The following PAMR1 variants were observed in gnomAD, a reference collection of about 807,000 sequenced individuals.
PAMR1 encodes inactive serine protease PAMR1.
PAMR1 carries 88 observed loss-of-function variants against 81.8 expected under a neutral mutation model. The ratio of observed to expected loss-of-function variants is 1.08; its 90% CI spans 0.91 to 1.28. The LOEUF (loss-of-function observed/expected upper bound fraction) is 1.28, where lower values mean the gene tolerates loss of function less well. Ranked by LOEUF, PAMR1 falls within the 50% of genes most tolerant of loss-of-function variation. The pLI, the probability that PAMR1 is intolerant of heterozygous loss-of-function variation, is 0.00. For synonymous variants in PAMR1, 336 were observed against 345.3 expected (o/e 0.97, Z 0.30); for missense variants, 935 against 919.7 (o/e 1.02, Z -0.21).
At chr11:35,449,783 A>G (rs1196935611) in intron 6 of PAMR1, among the ~76,000 whole-genome samples, 2 of 152,146 alleles carry the variant, frequency 1.3e-5, no homozygotes, top group Non-Finnish European at 2.9e-5. Flanking sequence ...ATCCATGGCA[A>G]AATTGTGGTT....
At chr11:35,499,179 C>T (rs35288309) in intron 1 of PAMR1, among the ~76,000 whole-genome samples, 5,819 of 152,274 alleles carry the variant, frequency 0.038, 154 homozygotes, top group Non-Finnish European at 0.056. Flanking sequence ...GGAGAGCCAG[C>T]TTTGCCTCTA....
At chr11:35,479,852 G>T (rs945606154) in intron 3 of PAMR1, among the ~76,000 whole-genome samples, 3 of 152,174 alleles carry the variant, frequency 2.0e-5, no homozygotes, top group Admixed American at 2.0e-4. Context: ...TCTGTCACAT[G>T]GCTGTGACAA....
chr11:35,451,892 C>A (rs1415642899), intron 6 of PAMR1: 1 of 705,790 alleles, frequency 1.4e-6, no homozygotes, highest in East Asian at 2.8e-5. Flanking sequence ...CCTCACCAGA[C>A]AATGAATCTT....
chr11:35,488,910 C>A (rs980884920), intron 3 of PAMR1, among the ~76,000 whole-genome samples: 18 of 151,988 alleles, frequency 1.2e-4, no homozygotes, highest in African/African-American at 3.6e-4. Flanking sequence ...GGTCACCAAT[C>A]GCATGCTAGC....
chr11:35,434,819 C>T lies in PAMR1; in HGVS notation c.1334-15G>A. The T allele has an allele frequency of 3.7e-6, 6 of 1,608,596 alleles. No homozygotes were observed. Among genetic ancestry groups the T allele is most frequent in the Non-Finnish European group, 5.1e-6 (6 of 1,175,752 alleles). On this transcript the variant is annotated splice_polypyrimidine_tract_variant and intron_variant, in intron 9 of 10. Transcript: ENST00000619888. ...TTTCCCGCAGACTATGGAGAAAGTA[C>T]CAGCTTAGTAAGATAAACTCAGACT...
intron 1 of PAMR1, among the ~76,000 whole-genome samples, chr11:35,505,238 T>C (rs1850928866): frequency 1.3e-5 from 2 of 152,120 alleles, no homozygotes; most frequent in Non-Finnish European, 2.9e-5. Context: ...TTTCAACTGT[T>C]TTGAATTTGT....
At chr11:35,521,007 C>T (rs1851261924) in intron 1 of PAMR1, among the ~76,000 whole-genome samples, 1 of 152,220 alleles carries the variant, frequency 6.6e-6, no homozygotes, top group South Asian at 2.1e-4. Context: ...CTCCCCAAGA[C>T]TTCTGCATAT....
chr11:35,435,869 G>A (rs745862258), intron 9 of PAMR1, 34 bp downstream of exon 9: 29 of 1,488,460 alleles, frequency 1.9e-5, no homozygotes, highest in Non-Finnish European at 2.7e-5. Flanking sequence ...GAAAGATTGA[G>A]CATGCTCAAG....
chr11:35,471,902 T>A (rs1030754644), intron 4 of PAMR1, among the ~76,000 whole-genome samples: 6 of 152,178 alleles, frequency 3.9e-5, no homozygotes, highest in Non-Finnish European at 5.9e-5. Flanking sequence ...GAAAGGCCCA[T>A]AACTGCTGCC....
intron 8 of PAMR1, among the ~76,000 whole-genome samples, chr11:35,436,555 G>A (rs942809977): frequency 2.0e-5 from 3 of 152,068 alleles, no homozygotes; most frequent in African/African-American, 7.2e-5. Flanking sequence ...AAAGTGCTGG[G>A]ATTACAGGTG....
At chr11:35,526,184 T>C (rs1428601884), upstream of PAMR1, among the ~76,000 whole-genome samples, 1 of 152,232 alleles carries the variant, frequency 6.6e-6, no homozygotes, top group Non-Finnish European at 1.5e-5. Context: ...GATCACAGGT[T>C]GGAAAGCTTA....
At chr11:35,467,068 G>A (rs949646958) in intron 6 of PAMR1, among the ~76,000 whole-genome samples, 1 of 152,082 alleles carries the variant, frequency 6.6e-6, no homozygotes. Context: ...GTTCCCCAGG[G>A]CAGCCCGCAC....
At chr11:35,482,375 G>C (rs1000394566) in intron 3 of PAMR1, among the ~76,000 whole-genome samples, 3 of 152,050 alleles carry the variant, frequency 2.0e-5, no homozygotes, top group African/African-American at 7.2e-5. Context: ...TGAGGTCTCT[G>C]TTCTGTTCCG....
chr11:35,439,940 C>T (rs1166444030), intron 7 of PAMR1, among the ~76,000 whole-genome samples: 4 of 152,188 alleles, frequency 2.6e-5, no homozygotes, highest in Admixed American at 1.3e-4. Context: ...GGCTGCCCCA[C>T]CTGAGTGATT....
At chr11:35,512,096 G>A (rs1851085096) in intron 1 of PAMR1, among the ~76,000 whole-genome samples, 1 of 152,156 alleles carries the variant, frequency 6.6e-6, no homozygotes, top group Admixed American at 6.5e-5. Flanking sequence ...CTCCCTTTGG[G>A]TACCAGGAGT....
chr11:35,442,365 A>G (rs1856188806), intron 6 of PAMR1, among the ~76,000 whole-genome samples: 1 of 152,184 alleles, frequency 6.6e-6, no homozygotes, highest in Admixed American at 6.5e-5. Flanking sequence ...ATGGCTATTA[A>G]AGTAGAAATG....
At chr11:35,484,232 T>G (rs548466496) in intron 3 of PAMR1, among the ~76,000 whole-genome samples, 1 of 152,344 alleles carries the variant, frequency 6.6e-6, no homozygotes, top group South Asian at 2.1e-4. Flanking sequence ...ATCCCAATTT[T>G]GTAAATGAGG....
chr11:35,433,497 T>C (rs1313335701), intron 10 of PAMR1, among the ~76,000 whole-genome samples: 1 of 152,234 alleles, frequency 6.6e-6, no homozygotes, highest in Non-Finnish European at 1.5e-5. Flanking sequence ...AGCACACATC[T>C]TGTAAAATGT....
intron 6 of PAMR1, chr11:35,451,755 G>A: frequency 5.8e-6 from 3 of 520,002 alleles, no homozygotes; most frequent in South Asian, 2.8e-5. Context: ...TTTGGGAGTA[G>A]ATTAGTTCAT....
Sources: allele counts gnomAD v4.1 joint callset (sites outside exome capture counted in the v4.1 genomes callset), GRCh38; gene constraint gnomAD v4.1.1; transcripts MANE v1.5; gene names NCBI Gene and HGNC (gene_info 2026-07-23, HGNC 2026-07-21).